Variants in LINGO2 observed in about 807,000 individuals in gnomAD.
LINGO2 encodes the protein leucine rich repeat and Ig domain containing 2.
A neutral mutation model predicts 30.6 loss-of-function variants in LINGO2; 14 were observed. The observed-to-expected ratio is 0.46, with a 90% CI of 0.30 to 0.72. LINGO2 has a LOEUF of 0.72. LINGO2 is among the 30% of genes least tolerant of loss of function. LINGO2 has a pLI of 0.07. For synonymous variants in LINGO2, 317 were observed against 288.5 expected, an observed-to-expected ratio of 1.10 and a Z score of -1.00; for missense variants, 729 against 751.7, an observed-to-expected ratio of 0.97 and a Z score of 0.35.
intron 2 of LINGO2, among the ~76,000 whole-genome samples, chr9:28,438,849 T>TATATAA (rs1402382742): frequency 8.3e-5 from 12 of 144,346 alleles, no homozygotes; most frequent in Admixed American, 2.1e-4. Flanking sequence ...TATATATATA[T>TATATAA]AATGAGATAT....
At chr9:29,024,127 G>A in the LINGO2 span, among the ~76,000 whole-genome samples, 4 of 151,884 alleles carry the variant, frequency 2.6e-5, no homozygotes, top group East Asian at 1.9e-4. Flanking sequence ...CCTTTAAACC[G>A]CCCTCTACAT....
At chr9:28,271,010 T>C (rs893072116) in intron 4 of LINGO2, among the ~76,000 whole-genome samples, 5 of 152,102 alleles carry the variant, frequency 3.3e-5, no homozygotes, top group Non-Finnish European at 5.9e-5. Context: ...AAAATAGTAA[T>C]ATAGGATCAT....
chr9:27,999,991 G>A (rs7048487), intron 5 of LINGO2, among the ~76,000 whole-genome samples: 8,337 of 152,056 alleles, frequency 0.055, 744 homozygotes, highest in African/African-American at 0.19. Flanking sequence ...TTGTTGTTAC[G>A]GTACTTGAAA....
At chr9:28,852,516 A>T in the LINGO2 span, among the ~76,000 whole-genome samples, 1 of 152,022 alleles carries the variant, frequency 6.6e-6, no homozygotes, top group South Asian at 2.1e-4. Context: ...TTCTATGCAT[A>T]CAGAGCTACT....
the LINGO2 span, among the ~76,000 whole-genome samples, chr9:29,160,939 G>T: frequency 2.2e-3 from 331 of 152,326 alleles, 1 homozygote; most frequent in African/African-American, 7.7e-3. Flanking sequence ...TCTGCAGAAG[G>T]TATAAATGCC....
intron 2 of LINGO2, among the ~76,000 whole-genome samples, chr9:28,428,364 G>C (rs1339000043): frequency 6.6e-6 from 1 of 152,152 alleles, no homozygotes; most frequent in African/African-American, 2.4e-5. Flanking sequence ...GATCTTGCCT[G>C]CCTTCATCCT....
chr9:28,810,203 A>G, the LINGO2 span, among the ~76,000 whole-genome samples: 1 of 152,200 alleles, frequency 6.6e-6, no homozygotes, highest in Non-Finnish European at 1.5e-5. Context: ...GGATATTTTT[A>G]TAATGAACAC....
intron 1 of LINGO2, among the ~76,000 whole-genome samples, chr9:28,606,862 C>T (rs1825714208): frequency 6.6e-6 from 1 of 151,948 alleles, no homozygotes; most frequent in Non-Finnish European, 1.5e-5. Flanking sequence ...ATATTTTTAT[C>T]AAATTGTACA....
intron 1 of LINGO2, among the ~76,000 whole-genome samples, chr9:28,640,888 G>A (rs147410261): frequency 1.8e-3 from 281 of 152,258 alleles, no homozygotes; most frequent in African/African-American, 6.4e-3. Context: ...TTCCTTTAGA[G>A]GAGGAGAGGC....
intron 4 of LINGO2, among the ~76,000 whole-genome samples, chr9:28,195,155 C>A (rs1399796182): frequency 2.0e-5 from 3 of 151,906 alleles, no homozygotes; most frequent in Non-Finnish European, 4.4e-5. Context: ...AGCAGAATTA[C>A]AGACTATTTA....
chr9:28,405,115 G>C (rs1587623993), intron 2 of LINGO2, among the ~76,000 whole-genome samples: 2 of 152,188 alleles, frequency 1.3e-5, no homozygotes, highest in African/African-American at 4.8e-5. Flanking sequence ...TCCCTGCCAA[G>C]GGATCTTATT....
intron 4 of LINGO2, among the ~76,000 whole-genome samples, chr9:28,249,444 T>C (rs181519915): frequency 2.6e-5 from 4 of 152,254 alleles, no homozygotes; most frequent in Admixed American, 1.3e-4. Flanking sequence ...TGGTAAGTGA[T>C]TGGCAACAAG....
chr9:28,818,765 C>G, the LINGO2 span, among the ~76,000 whole-genome samples: 80 of 152,178 alleles, frequency 5.3e-4, 2 homozygotes, highest in East Asian at 0.014. Flanking sequence ...CAAGCTCAAA[C>G]CTTAAGGAGA....
chr9:28,968,429 G>T, the LINGO2 span, among the ~76,000 whole-genome samples: 7 of 152,162 alleles, frequency 4.6e-5, no homozygotes, highest in African/African-American at 1.4e-4. Flanking sequence ...GGTTTCTTCA[G>T]GTGTTTCTTG....
chr9:29,133,864 G>A, the LINGO2 span, among the ~76,000 whole-genome samples: 1 of 151,918 alleles, frequency 6.6e-6, no homozygotes, highest in Admixed American at 6.6e-5. Context: ...AGCTCAATTT[G>A]GTCACGCTAT....
chr9:28,213,304 T>C (rs901512488), intron 4 of LINGO2, among the ~76,000 whole-genome samples: 1 of 151,380 alleles, frequency 6.6e-6, no homozygotes, highest in East Asian at 1.9e-4. Context: ...TGTGTTTTTC[T>C]AGAAAAAAAA....
chr9:29,150,295 G>A, the LINGO2 span, among the ~76,000 whole-genome samples: 8 of 152,256 alleles, frequency 5.3e-5, no homozygotes, highest in East Asian at 1.9e-4. Context: ...TTTATACCAC[G>A]ATGAAATGGA....
chr9:29,040,060 G>T, the LINGO2 span, among the ~76,000 whole-genome samples: 1 of 151,916 alleles, frequency 6.6e-6, no homozygotes, highest in Admixed American at 6.6e-5. Flanking sequence ...TCCTAGAAAA[G>T]TGCTAACTTT....
the LINGO2 span, among the ~76,000 whole-genome samples, chr9:29,042,711 T>C: frequency 6.6e-6 from 1 of 152,004 alleles, no homozygotes; most frequent in Non-Finnish European, 1.5e-5. Context: ...GTACACATTG[T>C]GGGATGACTA....
Sources: gnomAD v4.1 joint callset for allele counts (sites outside exome capture counted in the v4.1 genomes callset) on GRCh38, gnomAD v4.1.1 for gene constraint, MANE v1.5 for transcripts, NCBI Gene and HGNC (gene_info 2026-07-23, HGNC 2026-07-21) for gene names.